The following MAGI3 variants were observed in gnomAD, a reference collection of about 807,000 sequenced individuals.
The protein encoded by MAGI3 is membrane associated guanylate kinase, WW and PDZ domain containing 3.
A neutral mutation model predicts 121.8 loss-of-function variants in MAGI3; 43 were observed. The observed-to-expected ratio is 0.35, with a 90% CI of 0.28 to 0.46. The LOEUF (loss-of-function observed/expected upper bound fraction) is 0.46. Ranked by LOEUF, MAGI3 falls within the 20% of genes least tolerant of loss-of-function variation. The probability of loss-of-function intolerance (pLI) is 1.00; values close to 1 mark genes in which losing one functional copy is unlikely to be tolerated. For synonymous variants in MAGI3, 553 were observed against 639.3 expected (o/e 0.86, Z 2.04); for missense variants, 1,547 against 1,797.3 (o/e 0.86, Z 2.52).
intron 4 of MAGI3, among the ~76,000 whole-genome samples, chr1:113,588,692 AG>A (rs1399828937): frequency 6.6e-6 from 1 of 152,192 alleles, no homozygotes; most frequent in Non-Finnish European, 1.5e-5. Context: ...TAACTCAAGT[AG>A]GATGGAACTG....
intron 6 of MAGI3, among the ~76,000 whole-genome samples, chr1:113,611,601 A>C (rs1042803036): frequency 6.6e-6 from 1 of 152,088 alleles, no homozygotes; most frequent in Non-Finnish European, 1.5e-5. Context: ...GCAGTCTATT[A>C]GTGTTTATCT....
At chr1:113,638,227 A>G (rs531768529) in intron 9 of MAGI3, among the ~76,000 whole-genome samples, 5 of 152,058 alleles carry the variant, frequency 3.3e-5, no homozygotes, top group East Asian at 1.9e-4. Flanking sequence ...TCTTCTCTCA[A>G]CTCGTCAAAG....
At chr1:113,409,710 T>C (rs1324482068) in intron 1 of MAGI3, among the ~76,000 whole-genome samples, 4 of 152,156 alleles carry the variant, frequency 2.6e-5, no homozygotes, top group African/African-American at 9.6e-5. Flanking sequence ...CTGCACACTG[T>C]CTCCTGACTG....
intron 1 of MAGI3, among the ~76,000 whole-genome samples, chr1:113,482,360 C>G (rs532764598): frequency 6.6e-6 from 1 of 151,914 alleles, no homozygotes; most frequent in African/African-American, 2.4e-5. Context: ...GTTTGTTCAG[C>G]CTATTTTTTT....
intron 1 of MAGI3, among the ~76,000 whole-genome samples, chr1:113,453,101 C>T (rs1557765242): frequency 6.6e-6 from 1 of 152,118 alleles, no homozygotes; most frequent in Admixed American, 6.5e-5. Flanking sequence ...TCAGCCTAGC[C>T]TGAATGCCAC....
At chr1:113,394,488 A>G (rs1650989131) in intron 1 of MAGI3, among the ~76,000 whole-genome samples, 1 of 152,140 alleles carries the variant, frequency 6.6e-6, no homozygotes, top group Admixed American at 6.5e-5. Context: ...ACCTCTGGTG[A>G]AATTGTTTTG....
intron 5 of MAGI3, among the ~76,000 whole-genome samples, chr1:113,591,899 T>C (rs1412869232): frequency 6.6e-6 from 1 of 152,130 alleles, no homozygotes; most frequent in East Asian, 1.9e-4. Context: ...AGGGAGAATT[T>C]ATAAAAAGAA....
chr1:113,510,998 A>G (rs561595216), intron 1 of MAGI3, among the ~76,000 whole-genome samples: 1 of 152,300 alleles, frequency 6.6e-6, no homozygotes, highest in East Asian at 1.9e-4. Context: ...TTCTCACTAG[A>G]CTAGGGACCC....
chr1:113,619,597 A>G (rs142600454), intron 7 of MAGI3, 139 bp from the exon 8 acceptor site: 203 of 542,708 alleles, frequency 3.7e-4, no homozygotes, highest in Admixed American at 2.5e-4. Context: ...GCTATCATCT[A>G]TCAGTCTCTC....
chr1:113,637,411 T>G (rs548295777), intron 9 of MAGI3, among the ~76,000 whole-genome samples: 1 of 152,348 alleles, frequency 6.6e-6, no homozygotes, highest in South Asian at 2.1e-4. Flanking sequence ...AGGAGCTCTT[T>G]TAGGGCAGGC....
intron 1 of MAGI3, among the ~76,000 whole-genome samples, chr1:113,432,835 A>G (rs1257861993): frequency 2.6e-5 from 4 of 152,090 alleles, no homozygotes; most frequent in Non-Finnish European, 5.9e-5. Flanking sequence ...CATATCAATA[A>G]GGTATAAGTT....
rs750538476 is a variant in MAGI3 at position 113,674,572 on chromosome 1, C to CT, written c.3189+1118dup. Among the ~76,000 whole-genome samples, 481 of 147,100 alleles carry CT rather than the reference C, an allele frequency of 3.3e-3. 3 individuals carry two copies. The East Asian group carries it at 0.037, about 11-fold the overall frequency. On this transcript the variant is annotated intron_variant, in intron 19 of 20. Transcript: ENST00000307546. ...ACCAGTAGGCATCAGAGAAAAGGAACTTTTTTTTTTTAATTTTAAACTAAG... is the reference window on the plus strand; with the variant it reads ...ACCAGTAGGCATCAGAGAAAAGGAACTTTTTTTTTTTTAATTTTAAACTAAG...
At chr1:113,435,604 A>G (rs1433494897) in intron 1 of MAGI3, among the ~76,000 whole-genome samples, 1 of 152,148 alleles carries the variant, frequency 6.6e-6, no homozygotes, top group African/African-American at 2.4e-5. Flanking sequence ...TTCTTGGTTC[A>G]GCCAGTCATC....
intron 1 of MAGI3, among the ~76,000 whole-genome samples, chr1:113,469,463 C>A (rs1050332339): frequency 6.6e-6 from 1 of 151,900 alleles, no homozygotes; most frequent in Admixed American, 6.6e-5. Context: ...TTAGGCCTTA[C>A]AATCTGCTTT....
chr1:113,652,835 C>G (rs1271449506), intron 14 of MAGI3, among the ~76,000 whole-genome samples: 2 of 152,168 alleles, frequency 1.3e-5, no homozygotes, highest in East Asian at 3.8e-4. Flanking sequence ...TTGTGTCATT[C>G]TCAAGTTCTG....
Position 113,537,565 on chromosome 1 carries a change from G to C in MAGI3, c.317-11950G>C, listed in dbSNP as rs774771304. On this transcript the variant is annotated intron_variant, in intron 1 of 20. Coordinates refer to ENST00000307546, the MANE Select transcript of MAGI3 (RefSeq NM_001142782.2). ...TAGCTCACGTAAACTGGGGATGTCA[G>C]TGGAGGCCTTCCGGATATTTTCTAT... is the stretch of plus-strand genomic sequence containing the variant. 1.6e-4 allele frequency among the ~76,000 whole-genome samples: 25 copies of C among 152,308 alleles called. 1 individual carries two copies. The highest frequency in any genetic ancestry group is 3.1e-4 in the Non-Finnish European group (21 of 68,028).
chr1:113,572,429 C>G (rs1028894977), intron 2 of MAGI3, among the ~76,000 whole-genome samples: 2 of 152,146 alleles, frequency 1.3e-5, no homozygotes, highest in Middle Eastern at 3.4e-3. Context: ...GGGAGGAGTC[C>G]CTCTTTTTCT....
At chr1:113,434,811 T>G (rs954948491) in intron 1 of MAGI3, among the ~76,000 whole-genome samples, 7 of 152,252 alleles carry the variant, frequency 4.6e-5, no homozygotes, top group African/African-American at 7.2e-5. Context: ...GGAAGGTTCT[T>G]GCATTCATGA....
At chr1:113,418,515 TC>T (rs1652571104) in intron 1 of MAGI3, among the ~76,000 whole-genome samples, 1 of 152,202 alleles carries the variant, frequency 6.6e-6, no homozygotes, top group African/African-American at 2.4e-5. Flanking sequence ...CATAGAGCAC[TC>T]CCTTTTGACC....
Sources: gnomAD v4.1 joint callset for allele counts (sites outside exome capture counted in the v4.1 genomes callset) on GRCh38, gnomAD v4.1.1 for gene constraint, MANE v1.5 for transcripts, NCBI Gene and HGNC (gene_info 2026-07-23, HGNC 2026-07-21) for gene names.